Variants in HTR2C observed in about 807,000 individuals in gnomAD.
The protein encoded by HTR2C is 5-hydroxytryptamine (serotonin) receptor 2C, G protein-coupled.
HTR2C carries 5 observed loss-of-function variants against 21.0 expected under a neutral mutation model. That is an observed-to-expected ratio of 0.24 (90% CI 0.12 to 0.50). HTR2C has a LOEUF of 0.50. Ranked by LOEUF, HTR2C falls within the 20% of genes least tolerant of loss-of-function variation. The pLI, the probability that HTR2C is intolerant of heterozygous loss-of-function variation, is 0.98. For missense variants in HTR2C, 271 were observed against 371.2 expected (o/e 0.73, Z 2.22); for synonymous variants, 150 against 145.3 (o/e 1.03, Z -0.23).
At chrX:114,674,898 T>C (rs1401652608) in intron 2 of HTR2C, among the ~76,000 whole-genome samples, 1 of 112,063 alleles carries the variant, frequency 8.9e-6, no homozygotes, top group Admixed American at 9.5e-5. Flanking sequence ...GTCTAGGAAG[T>C]TGATGAATCT....
At chrX:114,722,538 C>T (rs1199254080) in intron 2 of HTR2C, among the ~76,000 whole-genome samples, 1 of 110,827 alleles carries the variant, frequency 9.0e-6, no homozygotes, top group Non-Finnish European at 1.9e-5. Flanking sequence ...CTGGCCAGCA[C>T]TTCCAACACT....
At chrX:114,698,551 T>C (rs1932358847) in intron 2 of HTR2C, among the ~76,000 whole-genome samples, 1 of 111,772 alleles carries the variant, frequency 8.9e-6, no homozygotes, top group Admixed American at 9.6e-5. Context: ...TATTTTCAAA[T>C]GTCTTGTATT....
intron 2 of HTR2C, among the ~76,000 whole-genome samples, chrX:114,646,959 C>T (rs1242800791): frequency 9.0e-6 from 1 of 111,263 alleles, no homozygotes; most frequent in Non-Finnish European, 1.9e-5. Context: ...CTTTTGAGAA[C>T]TATCTATACA....
chrX:114,701,438 A>T (rs1280478614), intron 2 of HTR2C, among the ~76,000 whole-genome samples: 1 of 111,914 alleles, frequency 8.9e-6, no homozygotes, highest in Non-Finnish European at 1.9e-5. Flanking sequence ...TGCTGCTGAT[A>T]ACCAGGCAAA....
intron 2 of HTR2C, among the ~76,000 whole-genome samples, chrX:114,651,134 A>G (rs1387782815): frequency 8.9e-6 from 1 of 112,045 alleles, no homozygotes; most frequent in Non-Finnish European, 1.9e-5. Context: ...TTGTTCAAAG[A>G]CAGATAGTTA....
chrX:114,606,351 C>T (rs184080652), intron 1 of HTR2C, among the ~76,000 whole-genome samples: 5 of 111,504 alleles, frequency 4.5e-5, no homozygotes, highest in African/African-American at 9.8e-5. Context: ...CGGGACTTGC[C>T]GCTTAAGGTG....
chrX:114,703,358 G>C (rs1221364970), intron 2 of HTR2C, among the ~76,000 whole-genome samples: 1 of 109,964 alleles, frequency 9.1e-6, no homozygotes, highest in Non-Finnish European at 1.9e-5. Flanking sequence ...ATAACAAACT[G>C]TCTCTCAGAC....
chrX:114,684,681 T>C (rs1222112842), intron 2 of HTR2C, among the ~76,000 whole-genome samples: 2 of 111,141 alleles, frequency 1.8e-5, no homozygotes, highest in African/African-American at 6.5e-5. Flanking sequence ...CAAAAACTTT[T>C]TTGGCATATA....
At position 114,638,772 on chromosome X, in the gene HTR2C, A is replaced by G. The variant is rs782470848; in HGVS notation, c.-80+24891A>G. Among the ~76,000 whole-genome samples the G allele has an allele frequency of 3.2e-3, 310 of 97,493 alleles. 1 individual carries two copies. Among genetic ancestry groups the G allele is most frequent in the African/African-American group, 0.011 (290 of 26,743 alleles). The allele number at this position is 97,493 out of a possible 115,157, so 84.7% of individuals were successfully genotyped here. A position where few individuals can be genotyped will look rare whatever the true frequency, so the allele number is the denominator to read the frequency against. On this transcript the variant is annotated intron_variant, in intron 2 of 5. Coordinates refer to ENST00000276198, the MANE Select transcript of HTR2C (RefSeq NM_000868.4). ...TTCCCACCTATGAGTGAGAACATGC[A>G]GTGTTTGGTTTTTTGTTCTTGTGAT... is the stretch of plus-strand genomic sequence containing the variant.
chrX:114,782,276 C>G lies in HTR2C; in HGVS notation c.349+50669C>G, dbSNP rs140041062. 5.0e-3 allele frequency among the ~76,000 whole-genome samples: 558 copies of G among 110,944 alleles called. 2 individuals are homozygous for G. The highest frequency in any genetic ancestry group is 9.4e-3 in the Middle Eastern group (2 of 212). On this transcript the variant is annotated intron_variant, in intron 4 of 5. Coordinates refer to ENST00000276198, the MANE Select transcript of HTR2C (RefSeq NM_000868.4). ...AGAGGAACTTTCTAACCAGTAATTC[C>G]TGTTTCAGGAATTTGAAAAGGAAGT...
intron 1 of HTR2C, among the ~76,000 whole-genome samples, chrX:114,613,394 C>A (rs1260100536): frequency 9.0e-6 from 1 of 111,309 alleles, no homozygotes; most frequent in South Asian, 3.8e-4. Context: ...GCAGTGAGGA[C>A]GACCAGAGGT....
At chrX:114,816,239 T>TGATA (rs781785242) in intron 4 of HTR2C, among the ~76,000 whole-genome samples, 33 of 95,322 alleles carry the variant, frequency 3.5e-4, no homozygotes, top group Middle Eastern at 0.011. Context: ...AGATGAGAGA[T>TGATA]GATAGATAGA....
At chrX:114,823,370 C>A (rs1400844291) in intron 4 of HTR2C, 1 of 335,560 alleles carries the variant, frequency 3.0e-6, no homozygotes, top group Non-Finnish European at 5.9e-6. Context: ...TTCATGACAG[C>A]ATTTACACAG....
chrX:114,761,012 A>G (rs782400678), intron 4 of HTR2C, among the ~76,000 whole-genome samples: 22 of 111,943 alleles, frequency 2.0e-4, no homozygotes, highest in South Asian at 3.7e-4. Context: ...TTTGTTATGG[A>G]AATGCATTCT....
chrX:114,591,405 C>T (rs1927624832), intron 1 of HTR2C, among the ~76,000 whole-genome samples: 2 of 111,673 alleles, frequency 1.8e-5, no homozygotes, highest in East Asian at 2.8e-4. Flanking sequence ...TTTTTAAAAT[C>T]ACTATGTAAA....
chrX:114,606,502 C>T (rs191897528), intron 1 of HTR2C, among the ~76,000 whole-genome samples: 1,187 of 110,738 alleles, frequency 0.011, 17 homozygotes, highest in African/African-American at 0.036. Flanking sequence ...TTTGGGTCCA[C>T]GGATAAAACA....
intron 1 of HTR2C, among the ~76,000 whole-genome samples, chrX:114,605,681 G>A (rs1038765711): frequency 2.2e-4 from 25 of 111,264 alleles, no homozygotes; most frequent in Non-Finnish European, 3.8e-4. Flanking sequence ...AGAAAATAAG[G>A]CATTTAGGTT....
At chrX:114,754,471 A>G (rs1556429186) in intron 4 of HTR2C, among the ~76,000 whole-genome samples, 2 of 111,986 alleles carry the variant, frequency 1.8e-5, no homozygotes, top group Non-Finnish European at 3.8e-5. Flanking sequence ...ATGGAACAGA[A>G]CAAAGAATTC....
At chrX:114,609,217 T>A (rs782678675) in intron 1 of HTR2C, among the ~76,000 whole-genome samples, 4 of 111,157 alleles carry the variant, frequency 3.6e-5, no homozygotes, top group African/African-American at 6.5e-5. Flanking sequence ...CTGATTTTTT[T>A]ATTAGTATTT....
Sources: gnomAD v4.1 joint callset for allele counts (sites outside exome capture counted in the v4.1 genomes callset) on GRCh38, gnomAD v4.1.1 for gene constraint, MANE v1.5 for transcripts, NCBI Gene and HGNC (gene_info 2026-07-23, HGNC 2026-07-21) for gene names.